The following MAST4 variants were observed in gnomAD, a reference collection of about 807,000 sequenced individuals.
MAST4 encodes microtubule associated serine/threonine kinase family member 4.
MAST4 carries 89 observed loss-of-function variants against 162.7 expected under a neutral mutation model. That is an observed-to-expected ratio of 0.55 (90% CI 0.46 to 0.65). MAST4 has a LOEUF of 0.65. MAST4 is among the 30% of genes least tolerant of loss of function. The pLI, the probability that MAST4 is intolerant of heterozygous loss-of-function variation, is 0.00. For synonymous variants in MAST4, 1,479 were observed against 1,361.1 expected (o/e 1.09, Z -1.91); for missense variants, 3,153 against 3,374.0 (o/e 0.93, Z 1.62).
chr5:66,920,471 C>T (rs892653947), intron 4 of MAST4, among the ~76,000 whole-genome samples: 8 of 152,068 alleles, frequency 5.3e-5, no homozygotes, highest in Non-Finnish European at 1.2e-4. Context: ...ATAAGATTAA[C>T]ACTTGTTTCT....
chr5:66,904,921 C>G (rs921860956), intron 4 of MAST4, among the ~76,000 whole-genome samples: 29 of 152,092 alleles, frequency 1.9e-4, no homozygotes, highest in Admixed American at 3.9e-4. Flanking sequence ...CCCTTTCCCC[C>G]TTGCCTCCCT....
intron 1 of MAST4, among the ~76,000 whole-genome samples, chr5:66,750,469 C>A (rs1189219821): frequency 6.6e-6 from 1 of 152,248 alleles, no homozygotes; most frequent in African/African-American, 2.4e-5. Context: ...CAGGGCGAGG[C>A]ACTGCCTCAC....
chr5:66,983,186 GA>G (rs1246895781), intron 4 of MAST4, among the ~76,000 whole-genome samples: 1 of 152,322 alleles, frequency 6.6e-6, no homozygotes, highest in East Asian at 1.9e-4. Context: ...AGGAGGATAT[GA>G]AATGTCAGAA....
intron 1 of MAST4, among the ~76,000 whole-genome samples, chr5:66,646,142 C>T (rs556084126): frequency 1.8e-4 from 28 of 152,192 alleles, no homozygotes; most frequent in Middle Eastern, 3.4e-3. Flanking sequence ...TAGTCATCCA[C>T]CCTACAACAT....
intron 4 of MAST4, among the ~76,000 whole-genome samples, chr5:67,036,372 C>G (rs775485920): frequency 1.3e-5 from 2 of 152,102 alleles, no homozygotes; most frequent in Non-Finnish European, 2.9e-5. Flanking sequence ...AGCTAGAGTA[C>G]AAGCATACCT....
intron 12 of MAST4, among the ~76,000 whole-genome samples, chr5:67,117,325 C>A (rs1353710934): frequency 6.6e-6 from 1 of 152,030 alleles, no homozygotes; most frequent in Non-Finnish European, 1.5e-5. Context: ...CTGGAATTTC[C>A]CCTATAGGTA....
At chr5:66,885,978 C>T (rs1485452107) in intron 3 of MAST4, among the ~76,000 whole-genome samples, 1 of 152,160 alleles carries the variant, frequency 6.6e-6, no homozygotes, top group Non-Finnish European at 1.5e-5. Context: ...ATTTAGTCCT[C>T]ACAACAACTC....
chr5:67,045,178 G>A (rs1757216455), intron 4 of MAST4, among the ~76,000 whole-genome samples: 1 of 152,172 alleles, frequency 6.6e-6, no homozygotes. Context: ...TTTTTTCTAT[G>A]TTCTTCTGGG....
intron 4 of MAST4, among the ~76,000 whole-genome samples, chr5:66,910,839 C>T (rs1763709411): frequency 6.7e-6 from 1 of 149,010 alleles, no homozygotes; most frequent in Admixed American, 6.8e-5. Flanking sequence ...CAGTCTCCAC[C>T]TCCCTTCAGG....
intron 1 of MAST4, among the ~76,000 whole-genome samples, chr5:66,674,928 A>G (rs2149477516): frequency 6.6e-6 from 1 of 152,300 alleles, no homozygotes; most frequent in Non-Finnish European, 1.5e-5. Flanking sequence ...CTAGAGAGCC[A>G]CTCTCAGAAA....
At chr5:67,011,472 C>T (rs1474138832) in intron 4 of MAST4, among the ~76,000 whole-genome samples, 1 of 152,218 alleles carries the variant, frequency 6.6e-6, no homozygotes, top group Non-Finnish European at 1.5e-5. Context: ...CAGGGCTTGC[C>T]CCTTCAGTCC....
Position 67,114,176 on chromosome 5 carries a change from G to A in MAST4, c.1548G>A (p.Arg516=), listed in dbSNP as rs771814719. The A allele has an allele frequency of 6.2e-7, 1 of 1,611,818 alleles. No individual in the cohort carries two copies. The highest frequency in any genetic ancestry group is 2.2e-5 in the East Asian group (1 of 44,650). The change falls in exon 12 of 29, where the codon AGG becomes AGA. Residue 516 remains arginine (R), a synonymous_variant. Coordinates refer to ENST00000403625, the MANE Select transcript of MAST4 (RefSeq NM_001164664.2). The stretch of plus-strand genomic sequence containing the variant: ...AGGGTATTAAAACCGACATTCCCAG[G>A]TACATCATTAGCCAACTGGGACTCA... ...EGQGIKTDIP[R]YIISQLGLNK... is the part of the protein sequence containing the mutation.
chr5:66,717,398 T>C (rs1012356827), intron 1 of MAST4, among the ~76,000 whole-genome samples: 16 of 152,212 alleles, frequency 1.1e-4, no homozygotes, highest in Non-Finnish European at 2.4e-4. Flanking sequence ...CTATTATAAA[T>C]TAGTAGCTAT....
chr5:66,675,740 A>G (rs1747904438), intron 1 of MAST4, among the ~76,000 whole-genome samples: 1 of 152,172 alleles, frequency 6.6e-6, no homozygotes, highest in African/African-American at 2.4e-5. Flanking sequence ...ATCCCTGTGA[A>G]CTGGAACAAA....
At chr5:67,026,164 T>C (rs1466988262) in intron 4 of MAST4, among the ~76,000 whole-genome samples, 2 of 152,208 alleles carry the variant, frequency 1.3e-5, no homozygotes, top group East Asian at 3.8e-4. Context: ...ATACAATGAA[T>C]AAGAGAAGTG....
intron 1 of MAST4, among the ~76,000 whole-genome samples, chr5:66,757,073 T>A (rs994060535): frequency 6.6e-6 from 1 of 152,204 alleles, no homozygotes; most frequent in African/African-American, 2.4e-5. Flanking sequence ...GTTTCATGTC[T>A]TTTATGGCTT....
intron 1 of MAST4, among the ~76,000 whole-genome samples, chr5:66,756,070 C>G (rs888918363): frequency 6.6e-6 from 1 of 152,164 alleles, no homozygotes; most frequent in Non-Finnish European, 1.5e-5. Flanking sequence ...TACCTTTTAT[C>G]CCTTAAGATG....
At chr5:67,091,196 G>T (rs903475520) in intron 6 of MAST4, among the ~76,000 whole-genome samples, 5 of 152,132 alleles carry the variant, frequency 3.3e-5, no homozygotes, top group African/African-American at 1.2e-4. Flanking sequence ...CCTCACGACC[G>T]TTTGTCAGCA....
At chr5:67,023,243 A>G (rs1347562595) in intron 4 of MAST4, among the ~76,000 whole-genome samples, 1 of 152,174 alleles carries the variant, frequency 6.6e-6, no homozygotes, top group Non-Finnish European at 1.5e-5. Context: ...ACATTAAGCT[A>G]TGACTTCAGT....
Sources: allele counts gnomAD v4.1 joint callset (sites outside exome capture counted in the v4.1 genomes callset), GRCh38; gene constraint gnomAD v4.1.1; transcripts MANE v1.5; gene names NCBI Gene and HGNC (gene_info 2026-07-23, HGNC 2026-07-21).